Variants in TRPS1 observed in about 807,000 individuals in gnomAD.
TRPS1 encodes transcriptional repressor GATA binding 1, also known as zinc finger transcription factor Trps1.
A neutral mutation model predicts 101.2 loss-of-function variants in TRPS1; 6 were observed. The ratio of observed to expected loss-of-function variants is 0.06; its 90% CI spans 0.03 to 0.12. The LOEUF (loss-of-function observed/expected upper bound fraction) is 0.12, where lower values mean the gene tolerates loss of function less well. TRPS1 is among the 10% of genes least tolerant of loss of function. The probability of loss-of-function intolerance (pLI) is 1.00; values close to 1 mark genes in which losing one functional copy is unlikely to be tolerated. For missense variants in TRPS1, 1,363 were observed against 1,567.0 expected (o/e 0.87, Z 2.20); for synonymous variants, 578 against 589.8 (o/e 0.98, Z 0.29).
At chr8:115,612,404 C>A (rs1178654931) in intron 3 of TRPS1, among the ~76,000 whole-genome samples, 1 of 152,110 alleles carries the variant, frequency 6.6e-6, no homozygotes, top group East Asian at 1.9e-4. Flanking sequence ...AAGAAGGGAA[C>A]AATGGGACAC....
At chr8:115,473,692 C>A (rs548799933) in intron 5 of TRPS1, among the ~76,000 whole-genome samples, 36 of 152,296 alleles carry the variant, frequency 2.4e-4, no homozygotes, top group Admixed American at 6.5e-4. Flanking sequence ...TTATTTCAAT[C>A]ACTGCCATCT....
chr8:115,623,598 T>TA lies in TRPS1; in HGVS notation c.37+2dup. The TA allele has an allele frequency of 6.2e-7, 1 of 1,612,374 alleles. No homozygotes were observed. Among genetic ancestry groups the TA allele is most frequent in the African/African-American group, 1.3e-5 (1 of 74,992 alleles). ...TTTTCACTTGAAAAAATAGATCACA[T>TA]ACTTGTAAAATCATACCCAGCATTG... On this transcript the variant is annotated splice_region_variant and intron_variant, in intron 2 of 6. Coordinates refer to ENST00000395715, the MANE Select transcript of TRPS1 (RefSeq NM_014112.5).
In TRPS1 at chr8:115,587,666, T is replaced by C. The variant is rs999304315; in HGVS notation, c.2097-62A>G. 8 of 1,609,878 alleles carry C rather than the reference T, an allele frequency of 5.0e-6. No individual in the cohort carries two copies. In the African/African-American group the frequency reaches 5.3e-5, roughly 11 times the overall value. On this transcript the variant is annotated intron_variant, in intron 4 of 6. Coordinates refer to ENST00000395715, the MANE Select transcript of TRPS1 (RefSeq NM_014112.5). ...TTCTGAAGGGTTGTTTTATTTTTAATAGCCTTTAAGCACCTGAATTTTCTA... is the reference window on the plus strand; with the variant it reads ...TTCTGAAGGGTTGTTTTATTTTTAACAGCCTTTAAGCACCTGAATTTTCTA...
intron 5 of TRPS1, among the ~76,000 whole-genome samples, chr8:115,464,717 T>A: frequency 6.6e-6 from 1 of 152,128 alleles, no homozygotes; most frequent in East Asian, 1.9e-4. Context: ...TCAAAACACA[T>A]GTTCAAAGAT....
chr8:115,540,485 G>A (rs1222498628), intron 5 of TRPS1, among the ~76,000 whole-genome samples: 1 of 151,878 alleles, frequency 6.6e-6, no homozygotes, highest in Non-Finnish European at 1.5e-5. Context: ...TTCTTGAAGA[G>A]GTGAATAAAA....
intron 5 of TRPS1, among the ~76,000 whole-genome samples, chr8:115,561,065 TA>T (rs762867514): frequency 1.3e-5 from 2 of 152,176 alleles, no homozygotes; most frequent in Non-Finnish European, 2.9e-5. Flanking sequence ...GTGCAACGAT[TA>T]CTTTGTCCTA....
chr8:115,486,641 T>C (rs1814886862), intron 5 of TRPS1, among the ~76,000 whole-genome samples: 1 of 152,202 alleles, frequency 6.6e-6, no homozygotes, highest in Non-Finnish European at 1.5e-5. Context: ...ATTGCTAATA[T>C]GAAGAAAGTT....
At chr8:115,659,377 C>T (rs569025984) in intron 1 of TRPS1, among the ~76,000 whole-genome samples, 24 of 151,492 alleles carry the variant, frequency 1.6e-4, no homozygotes, top group Non-Finnish European at 2.8e-4. Flanking sequence ...TAACATATTC[C>T]GTATTTTTTA....
At chr8:115,479,260 C>T (rs977057500) in intron 5 of TRPS1, among the ~76,000 whole-genome samples, 1 of 152,072 alleles carries the variant, frequency 6.6e-6, no homozygotes, top group Non-Finnish European at 1.5e-5. Flanking sequence ...TTATCATGCT[C>T]TTACGTAACT....
At chr8:115,509,339 T>A (rs10093834) in intron 5 of TRPS1, among the ~76,000 whole-genome samples, 103,266 of 151,206 alleles carry the variant, frequency 0.68, 36,855 homozygotes, top group African/African-American at 0.89. Context: ...CTAGGAATGT[T>A]ATTAAGTGTT....
At chr8:115,436,855 T>C (rs1813466114) in intron 5 of TRPS1, among the ~76,000 whole-genome samples, 1 of 152,036 alleles carries the variant, frequency 6.6e-6, no homozygotes, top group African/African-American at 2.4e-5. Context: ...CTGAACTAGA[T>C]GAACTAAAAA....
At chr8:115,477,272 A>G (rs1297757854) in intron 5 of TRPS1, among the ~76,000 whole-genome samples, 1 of 152,238 alleles carries the variant, frequency 6.6e-6, no homozygotes. Context: ...ACAGAAAGTG[A>G]CAAGAGCATA....
intron 5 of TRPS1, among the ~76,000 whole-genome samples, chr8:115,421,449 G>T (rs1019931858): frequency 7.2e-5 from 11 of 152,208 alleles, no homozygotes; most frequent in Middle Eastern, 3.2e-3. Flanking sequence ...ATATTTGAGA[G>T]ATGCTTAAAG....
At position 115,478,612 on chromosome 8, in the gene TRPS1, C is replaced by T. The variant is rs964063773; in HGVS notation, c.2701-60160G>A. On this transcript the variant is annotated intron_variant, in intron 5 of 6. Coordinates refer to ENST00000395715, the MANE Select transcript of TRPS1 (RefSeq NM_014112.5). The stretch of plus-strand genomic sequence containing the variant: ...TGAGGTCAGGAGTTTGAGACCAGCC[C>T]GGCCAACATGGTGAAACCCCATCTG... 3.2e-4 allele frequency among the ~76,000 whole-genome samples: 48 copies of T among 151,680 alleles called. 1 individual carries two copies. Among genetic ancestry groups the T allele is most frequent in the African/African-American group, 1.1e-3 (45 of 41,280 alleles).
At chr8:115,490,153 A>G (rs758563867) in intron 5 of TRPS1, among the ~76,000 whole-genome samples, 21 of 152,130 alleles carry the variant, frequency 1.4e-4, no homozygotes, top group Non-Finnish European at 2.1e-4. Context: ...TTTTTATCTT[A>G]CCAAGACAAG....
chr8:115,603,803 C>T, intron 4 of TRPS1, 70 bp downstream of exon 4: 2 of 1,564,442 alleles, frequency 1.3e-6, no homozygotes, highest in Non-Finnish European at 1.7e-6. Context: ...CCCGGTTCAG[C>T]CCTCTTTCTA....
In TRPS1 at chr8:115,623,621, T is replaced by C. The variant is rs750371449; in HGVS notation, c.17A>G (p.Asn6Ser). 30 of 1,609,462 alleles carry C rather than the reference T, an allele frequency of 1.9e-5. No individual in the cohort carries two copies. The highest frequency in any genetic ancestry group is 2.2e-5 in the East Asian group (1 of 44,594). Residue 6 changes from asparagine to serine, a missense_variant, in exon 2 of 7, where the codon AAT becomes AGT. Around this residue, in one of 5 missense-constraint regions of TRPS1, gnomAD observed 1,020 missense variants for 1,073.0 expected, o/e 0.95. Transcript: ENST00000395715. MPYEV[N>S]AGYDFTNMVR... ...CATACTTGTAAAATCATACCCAGCATTGACTTCATAAGGCATGTGGCTTTA... is the reference window on the plus strand; with the variant it reads ...CATACTTGTAAAATCATACCCAGCACTGACTTCATAAGGCATGTGGCTTTA...
chr8:115,567,299 T>C (rs1239070973), intron 5 of TRPS1, among the ~76,000 whole-genome samples: 1 of 152,152 alleles, frequency 6.6e-6, no homozygotes, highest in Non-Finnish European at 1.5e-5. Flanking sequence ...TTTTTCCACA[T>C]GTTGATTCTT....
chr8:115,486,285 A>C (rs1318016817), intron 5 of TRPS1, among the ~76,000 whole-genome samples: 1 of 152,190 alleles, frequency 6.6e-6, no homozygotes, highest in African/African-American at 2.4e-5. Context: ...GTACTTAATA[A>C]GTGCTGCGTG....
Sources: allele counts gnomAD v4.1 joint callset (sites outside exome capture counted in the v4.1 genomes callset), GRCh38; gene constraint gnomAD v4.1.1; regional missense constraint gnomAD v4.1.1; transcripts MANE v1.5; gene names NCBI Gene and HGNC (gene_info 2026-07-23, HGNC 2026-07-21).